Variants in CPSF4L observed in about 807,000 individuals in gnomAD.
The protein encoded by CPSF4L is putative cleavage and polyadenylation specificity factor subunit 4-like protein.
Under a neutral mutation model 24.0 loss-of-function variants are expected in CPSF4L, and 18 were observed. That is an observed-to-expected ratio of 0.75 (90% CI 0.52 to 1.11). The LOEUF is 1.11. Ranked by LOEUF, CPSF4L falls within the 50% of genes least tolerant of loss-of-function variation. CPSF4L has a pLI of 0.00. For missense variants in CPSF4L, 211 were observed against 221.8 expected (o/e 0.95, Z 0.31); for synonymous variants, 72 against 77.2 (o/e 0.93, Z 0.35).
At chr17:73,260,149 T>C (rs2062039774) in intron 2 of CPSF4L, among the ~76,000 whole-genome samples, 1 of 152,136 alleles carries the variant, frequency 6.6e-6, no homozygotes, top group Non-Finnish European at 1.5e-5. Flanking sequence ...CCTCAGGGCA[T>C]AGGGAATGGA....
At chr17:73,246,605 T>C (rs977621999), downstream of CPSF4L, among the ~76,000 whole-genome samples, 1 of 152,226 alleles carries the variant, frequency 6.6e-6, no homozygotes, top group Admixed American at 6.5e-5. Flanking sequence ...TTTCTCTCTC[T>C]TCTCAAAGCT....
chr17:73,249,029 G>A (rs1209088535), intron 5 of CPSF4L: 1 of 153,540 alleles, frequency 6.5e-6, no homozygotes, highest in Non-Finnish European at 1.5e-5. Context: ...GTGTCCCTGG[G>A]TAAGTTACCC....
downstream of CPSF4L, chr17:73,245,777 T>C (rs1351967812): frequency 2.7e-5 from 24 of 894,920 alleles, no homozygotes; most frequent in African/African-American, 5.4e-5. Flanking sequence ...ATTTTTAAAA[T>C]AGCACACTAA....
chr17:73,248,302 G>C, downstream of CPSF4L: 1 of 595,912 alleles, frequency 1.7e-6, no homozygotes, highest in South Asian at 2.0e-5. Context: ...GTACGCTTCA[G>C]GTGTGAGGCG....
chr17:73,245,370 T>A (rs188809434), downstream of CPSF4L: 7 of 1,346,818 alleles, frequency 5.2e-6, no homozygotes, highest in Non-Finnish European at 6.7e-6. Context: ...AAACGTATTA[T>A]TAATATAGAC....
At chr17:73,245,379 A>T, downstream of CPSF4L, 1 of 1,293,168 alleles carries the variant, frequency 7.7e-7, no homozygotes, top group Non-Finnish European at 9.9e-7. Flanking sequence ...ATTAATATAG[A>T]CAGATCTGGT....
Position 73,252,701 on chromosome 17 carries a change from A to G in CPSF4L, c.426T>C (p.His142=), listed in dbSNP as rs1414114967. ...AGTTGAGACACATTATTCTGGGGAC[A>G]TGGCGGTATTTACACAGAGGACCTG... ...CKDGPLCKYR[H]VPRIMCLNYL... Residue 142 remains histidine (H), a synonymous_variant, in exon 5 of 6, where the codon CAT becomes CAC. Transcript: ENST00000344935. 6 of 1,551,128 alleles carry G rather than the reference A, an allele frequency of 3.9e-6. No homozygotes were observed. The highest frequency in any genetic ancestry group is 4.4e-6 in the Non-Finnish European group (5 of 1,146,756).
chr17:73,251,570 C>T (rs2062006228), intron 5 of CPSF4L, among the ~76,000 whole-genome samples: 1 of 152,236 alleles, frequency 6.6e-6, no homozygotes. Flanking sequence ...GCTACTGGGT[C>T]TCTGTTGCAG....
chr17:73,260,993 G>C lies in CPSF4L; in HGVS notation c.104-10C>G, dbSNP rs2062042843. 1 of 1,549,560 alleles carries C rather than the reference G, an allele frequency of 6.5e-7. No homozygotes were observed. Among genetic ancestry groups the C allele is most frequent in the East Asian group, 2.4e-5 (1 of 40,852 alleles). ...ACAGCTGAGGCCGACTCTGGAAGGAGAAGAGGGAACGGAGAAGGTAGCTTC... is the reference window on the plus strand; with the variant it reads ...ACAGCTGAGGCCGACTCTGGAAGGACAAGAGGGAACGGAGAAGGTAGCTTC... On this transcript the variant is annotated splice_polypyrimidine_tract_variant and intron_variant, in intron 1 of 5. Transcript: ENST00000344935.
chr17:73,261,091 G>T, intron 1 of CPSF4L, 108 bp from the exon 2 acceptor site: 1 of 880,818 alleles, frequency 1.1e-6, no homozygotes, highest in Non-Finnish European at 1.8e-6. Context: ...CCCAGGCTCT[G>T]GCCTATGGGA....
intron 5 of CPSF4L, 105 bp from the exon 6 acceptor site, chr17:73,248,641 C>T (rs1351807461): frequency 1.7e-6 from 2 of 1,177,268 alleles, no homozygotes; most frequent in Non-Finnish European, 2.5e-6. Context: ...GGCTACTGTC[C>T]ATGCTTGAGA....
At chr17:73,242,897 C>T in the CPSF4L span, 3 of 1,612,298 alleles carry the variant, frequency 1.9e-6, no homozygotes, top group Non-Finnish European at 1.7e-6. Context: ...TTTGAACAGG[C>T]TGGATCAGGT....
At chr17:73,250,045 C>T (rs1353206904) in intron 5 of CPSF4L, 3 of 480,454 alleles carry the variant, frequency 6.2e-6, no homozygotes, top group Admixed American at 8.0e-5. Context: ...TCGTTCCTGC[C>T]AATCTGCCTC....
downstream of CPSF4L, chr17:73,245,561 A>G (rs2061938742): frequency 3.0e-6 from 3 of 985,450 alleles, no homozygotes; most frequent in Admixed American, 6.1e-5. Flanking sequence ...CCATTCAGCT[A>G]TATGAGATAC....
At chr17:73,244,217 T>C (rs2061903833), downstream of CPSF4L, among the ~76,000 whole-genome samples, 1 of 152,204 alleles carries the variant, frequency 6.6e-6, no homozygotes, top group Non-Finnish European at 1.5e-5. Context: ...ATCAAAAATA[T>C]CAGCATTTTT....
intron 3 of CPSF4L, among the ~76,000 whole-genome samples, chr17:73,256,982 A>G (rs2062026744): frequency 6.6e-6 from 1 of 152,178 alleles, no homozygotes; most frequent in African/African-American, 2.4e-5. Flanking sequence ...AGTCAAGATC[A>G]CGCCACTGCA....
intron 2 of CPSF4L, among the ~76,000 whole-genome samples, chr17:73,259,206 A>T (rs1208089698): frequency 2.0e-5 from 3 of 151,782 alleles, no homozygotes; most frequent in African/African-American, 7.3e-5. Context: ...CACTGAGCTA[A>T]TTTTTTTATT....
At position 73,261,064 on chromosome 17, in the gene CPSF4L, G is replaced by A. The variant is rs932263039; in HGVS notation, c.104-81C>T. On this transcript the variant is annotated intron_variant, in intron 1 of 5. Transcript: ENST00000344935. The stretch of plus-strand genomic sequence containing the variant: ...CGGAAGCCTCCACCTCCATCGGCAT[G>A]TCCCACCTAGACCTCCCCCAGGCTC... The A allele has an allele frequency of 1.0e-5, 12 of 1,164,356 alleles. No individual in the cohort carries two copies. The Admixed American group carries it at 1.4e-4, about 14-fold the overall frequency. 72.1% of individuals were successfully genotyped at this position (1,164,356 alleles called of 1,614,324 possible).
downstream of CPSF4L, chr17:73,245,157 T>G (rs565665352): frequency 6.2e-7 from 1 of 1,613,688 alleles, no homozygotes; most frequent in Admixed American, 1.7e-5. Context: ...TTTGTCTCTG[T>G]TTATCCAAAG....
Sources: allele counts gnomAD v4.1 joint callset (sites outside exome capture counted in the v4.1 genomes callset), GRCh38; gene constraint gnomAD v4.1.1; transcripts MANE v1.5; gene names NCBI Gene and HGNC (gene_info 2026-07-23, HGNC 2026-07-21).